Variants in ACOX2 observed in about 807,000 individuals in gnomAD.
The protein encoded by ACOX2 is acyl-CoA oxidase 2, also known as peroxisomal acyl-coenzyme A oxidase 2.
A neutral mutation model predicts 77.5 loss-of-function variants in ACOX2; 59 were observed. The ratio of observed to expected loss-of-function variants is 0.76; its 90% confidence interval spans 0.62 to 0.95. The LOEUF is 0.95. Among genes scored for constraint, ACOX2 ranks in the 40% least tolerant of loss-of-function variants. The pLI is 0.00. For missense variants in ACOX2, 837 were observed against 880.4 expected, an observed-to-expected ratio of 0.95 and a Z score of 0.62; for synonymous variants, 317 against 340.1, an observed-to-expected ratio of 0.93 and a Z score of 0.75.
At chr3:58,511,336 A>G in intron 13 of ACOX2, 1 of 374,606 alleles carries the variant, frequency 2.7e-6, no homozygotes. Context: ...AAAAGTGGGA[A>G]AGTGGTGCTG....
At position 58,526,436 on chromosome 3, in the gene ACOX2, G is replaced by A. The variant is rs1245972993; in HGVS notation, c.1346+30C>T. The A allele has an allele frequency of 6.3e-7, 1 of 1,585,284 alleles. No homozygotes were observed. Among genetic ancestry groups the A allele is most frequent in the South Asian group, 1.2e-5 (1 of 86,728 alleles). On this transcript the variant is annotated intron_variant, in intron 10 of 14. Transcript: ENST00000302819. This position sits in a 1 kb window ranked among gnomAD's most constrained non-coding sequence, Gnocchi z 4.3. ...AGCTTGGTGGGTCCCCAAGGGCTTG[G>A]GCAAAGGCCTGGGTCAGCCTGGACC...
chr3:58,511,346 G>T, intron 13 of ACOX2: 1 of 369,076 alleles, frequency 2.7e-6, no homozygotes, highest in Non-Finnish European at 5.3e-6. Context: ...AAGTGGTGCT[G>T]GTCCTGGCTG....
rs1270094123 is a variant in ACOX2, at chr3:58,517,383, G to A, written c.1673C>T (p.Ala558Val). Residue 558 changes from alanine (A) to valine (V), a missense_variant, in exon 13 of 15, where the codon GCT (alanine) becomes GTT (valine). Physicochemically the swap from Ala to Val is moderately conservative, Grantham distance 64. Coordinates refer to ENST00000302819, the MANE Select transcript of ACOX2 (RefSeq NM_003500.4). ...TGGTTCATTTTCTAGTTTCTCCAGA[G>A]CTTCTGTAAAACCCTTCACAGTGAC... ...YYVTVKGFTE[A>V]LEKLENEPAI... is the part of the protein sequence containing the mutation. The A allele has an allele frequency of 6.2e-7, 1 of 1,614,034 alleles. No individual in the cohort carries two copies. Among genetic ancestry groups the A allele is most frequent in the Non-Finnish European group, 8.5e-7 (1 of 1,180,036 alleles).
rs752692771 is a variant in ACOX2, at chr3:58,534,125, G to C, written c.344C>G (p.Ala115Gly). 6.2e-6 allele frequency: 10 copies of C among 1,614,158 alleles called. No individual in the cohort carries two copies. Among genetic ancestry groups the C allele is most frequent in the Non-Finnish European group, 8.5e-6 (10 of 1,180,026 alleles). Residue 115 changes from alanine (A) to glycine (G), a missense_variant, in exon 4 of 15, where the codon GCC becomes GGC. Coordinates refer to ENST00000302819, the MANE Select transcript of ACOX2 (RefSeq NM_003500.4). This position sits in a 1 kb window ranked among gnomAD's most constrained non-coding sequence, Gnocchi z 4.8. ...YAYRALSGDV[A>G]LNIHRVFVRA... ...CACGAAGACTCTGTGTATATTTAAG[G>C]CCACGTCTCCAGAAAGGGCTCTGTT...
Position 58,514,599 on chromosome 3 carries a change from T to C in ACOX2, c.1850+2607A>G, listed in dbSNP as rs1200717645. 6.6e-6 allele frequency among the ~76,000 whole-genome samples: 1 copy of C among 152,202 alleles called. No individual in the cohort carries two copies. Among genetic ancestry groups the C allele is most frequent in the African/African-American group, 2.4e-5 (1 of 41,458 alleles). Reference sequence around the variant, plus strand: ...GCATAGAATCTGTTATGTGCCTAATTACCCTGCAGTAGTAAGGCTACTTAG... The same window carrying C: ...GCATAGAATCTGTTATGTGCCTAATCACCCTGCAGTAGTAAGGCTACTTAG... On this transcript the variant is annotated intron_variant, in intron 13 of 14. Coordinates refer to ENST00000302819, the MANE Select transcript of ACOX2 (RefSeq NM_003500.4). The surrounding 1 kb of genome is among the most constrained non-coding windows in gnomAD (Gnocchi z 4.3).
At chr3:58,508,589 C>T (rs1220756291) in intron 14 of ACOX2, among the ~76,000 whole-genome samples, 1 of 152,164 alleles carries the variant, frequency 6.6e-6, no homozygotes, top group South Asian at 2.1e-4. Flanking sequence ...CGGTTTACCA[C>T]TCTGTGTGTA....
chr3:58,506,052 A>G (rs1326057024), intron 14 of ACOX2, among the ~76,000 whole-genome samples: 1 of 152,068 alleles, frequency 6.6e-6, no homozygotes, highest in Non-Finnish European at 1.5e-5. Flanking sequence ...CAGCCTCCCA[A>G]AGTGCTGGGA....
chr3:58,530,261 C>T (rs941502362), intron 8 of ACOX2, among the ~76,000 whole-genome samples: 6 of 152,200 alleles, frequency 3.9e-5, no homozygotes, highest in Non-Finnish European at 8.8e-5. Context: ...GCTGGTCAGC[C>T]CTGTTAGAGG....
rs2063437277 is a variant in ACOX2 at position 58,531,294 on chromosome 3, T to C, written c.776A>G (p.His259Arg). 2 of 1,613,468 alleles carry C rather than the reference T, an allele frequency of 1.2e-6. No individual in the cohort carries two copies. The highest frequency in any genetic ancestry group is 3.3e-5 in the Admixed American group (2 of 60,008). Reference protein sequence around the residue: ...QTDNGFLQLNHVRVPRENMLS... With the variant: ...QTDNGFLQLNRVRVPRENMLS... The stretch of plus-strand genomic sequence containing the variant: ...CATGTTCTCCCTGGGGACCCGCACA[T>C]GGTTCAGCTGCAGGAAGCCATTGTC... Residue 259 changes from histidine to arginine, a missense_variant, in exon 7 of 15, where the codon CAT (histidine) becomes CGT (arginine). Coordinates refer to ENST00000302819, the MANE Select transcript of ACOX2 (RefSeq NM_003500.4). This position sits in a 1 kb window ranked among gnomAD's most constrained non-coding sequence, Gnocchi z 5.8.
chr3:58,528,799 G>T lies in ACOX2; in HGVS notation c.1150C>A (p.Pro384Thr), dbSNP rs2063415392. The T allele has an allele frequency of 6.2e-7, 1 of 1,607,986 alleles. No homozygotes were observed. Among genetic ancestry groups the T allele is most frequent in the Non-Finnish European group, 8.5e-7 (1 of 1,176,984 alleles). ...CCTCCGCAGACAGCAGGTACCTCAG[G>T]CAGGAAGCTGAAGTCTTGGTTCAGA... ...AILNQDFSFL[P>T]ELHALSTGMK... Residue 384 changes from proline (P) to threonine (T), a missense_variant, in exon 9 of 15, where the codon CCT becomes ACT. Coordinates refer to ENST00000302819, the MANE Select transcript of ACOX2 (RefSeq NM_003500.4). This position sits in a 1 kb window ranked among gnomAD's most constrained non-coding sequence, Gnocchi z 5.6.
chr3:58,531,161 A>T lies in ACOX2; in HGVS notation c.819+90T>A. The T allele has an allele frequency of 5.1e-6, 6 of 1,180,980 alleles. No individual in the cohort carries two copies. Among genetic ancestry groups the T allele is most frequent in the Non-Finnish European group, 7.2e-6 (6 of 828,892 alleles). The allele number at this position is 1,180,980 out of a possible 1,614,324, so 73.2% of individuals were successfully genotyped here. A position where few individuals can be genotyped will look rare whatever the true frequency, so the allele number is the denominator to read the frequency against. On this transcript the variant is annotated intron_variant, in intron 7 of 14. Transcript: ENST00000302819. This position sits in a 1 kb window ranked among gnomAD's most constrained non-coding sequence, Gnocchi z 5.8. ...GGGAGGAGGTTATGTGGCCCAAACT[A>T]AGCTCTATGGAGGACCCAGGCCCAG...
At chr3:58,530,253 T>G (rs1242903937) in intron 8 of ACOX2, among the ~76,000 whole-genome samples, 3 of 152,168 alleles carry the variant, frequency 2.0e-5, no homozygotes, top group Non-Finnish European at 4.4e-5. Flanking sequence ...TTAGGCCGGC[T>G]GGTCAGCCCT....
chr3:58,531,490 G>C lies in ACOX2; in HGVS notation c.704-124C>G. 1 of 1,235,580 alleles carries C rather than the reference G, an allele frequency of 8.1e-7. No homozygotes were observed. 76.5% of individuals were successfully genotyped at this position (1,235,580 alleles called of 1,614,324 possible). A position where few individuals can be genotyped will look rare whatever the true frequency, so the allele number is the denominator to read the frequency against. On this transcript the variant is annotated intron_variant, in intron 6 of 14. Coordinates refer to ENST00000302819, the MANE Select transcript of ACOX2 (RefSeq NM_003500.4). The surrounding 1 kb of genome is among the most constrained non-coding windows in gnomAD (Gnocchi z 5.8). The stretch of plus-strand genomic sequence containing the variant: ...CTGGGATTATTGTACCTATTTTGCA[G>C]GTGAACAAGCTGAGGTCAGAAAGAT...
rs952356938 is a variant in ACOX2, at chr3:58,533,862, G to A, written c.475+132C>T. 246 of 1,235,008 alleles carry A rather than the reference G, an allele frequency of 2.0e-4. 1 individual carries two copies. The highest frequency in any genetic ancestry group is 3.8e-4 in the African/African-American group (25 of 65,792). The allele number at this position is 1,235,008 out of a possible 1,614,324, so 76.5% of individuals were successfully genotyped here. ...CCTTCCTCAGGACCCTTGACTGCCA[G>A]CTGCTGGAATGTTTTCTTATTAAAC... is the stretch of plus-strand genomic sequence containing the variant. On this transcript the variant is annotated intron_variant, in intron 4 of 14. Coordinates refer to ENST00000302819, the MANE Select transcript of ACOX2 (RefSeq NM_003500.4). This position sits in a 1 kb window ranked among gnomAD's most constrained non-coding sequence, Gnocchi z 5.6.
Position 58,505,289 on chromosome 3 carries a change from G to C in ACOX2, c.1984-3C>G, listed in dbSNP as rs1262374606. 1 of 1,611,256 alleles carries C rather than the reference G, an allele frequency of 6.2e-7. No individual in the cohort carries two copies. The highest frequency in any genetic ancestry group is 1.1e-5 in the South Asian group (1 of 90,246). ...TATTCCTCATAGGCAGGGTTCTCCT[G>C]TTTGTAGAAAGAAACGCATTATTAA... On this transcript the variant is annotated splice_polypyrimidine_tract_variant and splice_region_variant and intron_variant, in intron 14 of 14. Coordinates refer to ENST00000302819, the MANE Select transcript of ACOX2 (RefSeq NM_003500.4). This position sits in a 1 kb window ranked among gnomAD's most constrained non-coding sequence, Gnocchi z 4.4.
chr3:58,518,162 G>T (rs2063335585), intron 12 of ACOX2, among the ~76,000 whole-genome samples: 1 of 151,884 alleles, frequency 6.6e-6, no homozygotes, highest in Non-Finnish European at 1.5e-5. Flanking sequence ...GTGTGTGTGT[G>T]CGTGCACATG....
chr3:58,507,574 G>A (rs1376483746), intron 14 of ACOX2, among the ~76,000 whole-genome samples: 1 of 152,208 alleles, frequency 6.6e-6, no homozygotes, highest in Non-Finnish European at 1.5e-5. Context: ...ATAGCAGGGC[G>A]GGTTTTTCTG....
Position 58,534,081 on chromosome 3 carries a change from C to A in ACOX2, c.388G>T (p.Gly130Cys), listed in dbSNP as rs2063460637. ...CATTTGGCAATCTGCTCCTCTGAGC[C>A]CAGGCTCCTGAGGGCTCTCACGAAG... ...RVFVRALRSLGSEEQIAKWDP... is the reference protein window; with the variant it reads ...RVFVRALRSLCSEEQIAKWDP... The change falls in exon 4 of 15, where the codon GGC becomes TGC. Residue 130 changes from glycine (G) to cysteine (C), a missense_variant. Coordinates refer to ENST00000302819, the MANE Select transcript of ACOX2 (RefSeq NM_003500.4). This position sits in a 1 kb window ranked among gnomAD's most constrained non-coding sequence, Gnocchi z 4.8. 1.2e-6 allele frequency: 2 copies of A among 1,613,986 alleles called. No homozygotes were observed. Among genetic ancestry groups the A allele is most frequent in the South Asian group, 2.2e-5 (2 of 91,080 alleles).
In ACOX2 at chr3:58,534,320, G is replaced by A. The variant is rs1194033693; in HGVS notation, c.323+40C>T. 6.2e-7 allele frequency: 1 copy of A among 1,610,704 alleles called. No homozygotes were observed. The highest frequency in any genetic ancestry group is 8.5e-7 in the Non-Finnish European group (1 of 1,178,070). ...CTAGGGGGTTTCCAGGTGATCCCAG[G>A]TAGATCCCTCTCTAGTGGGGCTGCT... On this transcript the variant is annotated intron_variant, in intron 3 of 14. Transcript: ENST00000302819. This position sits in a 1 kb window ranked among gnomAD's most constrained non-coding sequence, Gnocchi z 4.8.
Sources: allele counts gnomAD v4.1 joint callset (sites outside exome capture counted in the v4.1 genomes callset), GRCh38; gene constraint gnomAD v4.1.1; non-coding constraint Gnocchi (gnomAD v3.1); transcripts MANE v1.5; gene names NCBI Gene and HGNC (gene_info 2026-07-23, HGNC 2026-07-21).